The following ALS2CL variants were observed in gnomAD, a reference collection of about 807,000 sequenced individuals.
ALS2CL encodes ALS2 C-terminal-like protein.
A neutral mutation model predicts 127.9 loss-of-function variants in ALS2CL; 112 were observed. That is an observed-to-expected ratio of 0.88 (90% CI 0.75 to 1.02). The LOEUF (loss-of-function observed/expected upper bound fraction) is 1.02. Among genes scored for constraint, ALS2CL ranks in the 50% least tolerant of loss-of-function variants. The pLI is 0.00. For synonymous variants in ALS2CL, 519 were observed against 527.6 expected, an observed-to-expected ratio of 0.98 and a Z score of 0.22; for missense variants, 1,174 against 1,236.7, an observed-to-expected ratio of 0.95 and a Z score of 0.76.
At chr3:46,673,611 G>C (rs1476550154) in intron 21 of ALS2CL, among the ~76,000 whole-genome samples, 1 of 152,180 alleles carries the variant, frequency 6.6e-6, no homozygotes. Flanking sequence ...CCAGGTCGTG[G>C]TGACCAGTAG....
At chr3:46,683,934 T>C (rs1036550257) in intron 8 of ALS2CL, 55 bp downstream of exon 8, 8 of 1,612,908 alleles carry the variant, frequency 5.0e-6, no homozygotes, top group Non-Finnish European at 6.8e-6. Flanking sequence ...TGTGGGCAGG[T>C]GTCATGGGGG....
At position 46,671,925 on chromosome 3, in the gene ALS2CL, G is replaced by A. The variant is rs9845343; in HGVS notation, c.2643C>T (p.Asp881=). ...VLGREYKLPM[D]DLLPLLIYVV... The stretch of plus-strand genomic sequence containing the variant: ...CGTAGATGAGAAGTGGCAGCAGGTC[G>A]TCCATGGGCAGCTTGTACTCCCGGC... The change falls in exon 24 of 26, where the codon GAC becomes GAT. Residue 881 remains aspartate (D), a synonymous_variant. Coordinates refer to ENST00000318962, the MANE Select transcript of ALS2CL (RefSeq NM_147129.5). 7,815 of 1,613,862 alleles carry A rather than the reference G, an allele frequency of 4.8e-3. 338 individuals carry two copies. In the African/African-American group the frequency reaches 0.09, roughly 19 times the overall value.
chr3:46,689,237 G>T, intron 2 of ALS2CL, 101 bp downstream of exon 2: 1 of 1,248,800 alleles, frequency 8.0e-7, no homozygotes, highest in Non-Finnish European at 1.1e-6. Context: ...CCTATTTGAG[G>T]TTGAGAAAGC....
chr3:46,675,890 A>C, intron 19 of ALS2CL: 1 of 1,437,156 alleles, frequency 7.0e-7, no homozygotes, highest in Non-Finnish European at 9.1e-7. Flanking sequence ...GAACTATAGC[A>C]TCTAAGGCTT....
At position 46,680,561 on chromosome 3, in the gene ALS2CL, G is replaced by T. The variant is rs751426249; in HGVS notation, c.1437-20C>A. On this transcript the variant is annotated intron_variant, in intron 13 of 25. Coordinates refer to ENST00000318962, the MANE Select transcript of ALS2CL (RefSeq NM_147129.5). ...TCACCTCTGGAAGGAGAGGAATGTG[G>T]CCAGAGTTGGATCAGACTCATTCCC... The T allele has an allele frequency of 1.9e-6, 3 of 1,605,918 alleles. No individual in the cohort carries two copies. Among genetic ancestry groups the T allele is most frequent in the African/African-American group, 2.7e-5 (2 of 74,854 alleles).
chr3:46,691,317 GA>G (rs1407197277), intron 1 of ALS2CL, among the ~76,000 whole-genome samples: 1 of 152,182 alleles, frequency 6.6e-6, no homozygotes, highest in African/African-American at 2.4e-5. Context: ...TGGGAAGGTA[GA>G]AGAAAGGGTG....
chr3:46,681,380 G>T lies in ALS2CL; in HGVS notation c.1302C>A (p.Gly434=). The change falls in exon 13 of 26, where the codon GGC becomes GGA. Residue 434 remains glycine (G), a synonymous_variant. Transcript: ENST00000318962. This position sits in a 1 kb window ranked among gnomAD's most constrained non-coding sequence, Gnocchi z 4.9. ...CEYSTDEVYK[G]YFQEGLRHGF... is the part of the protein sequence containing the mutation. ...CGTGCCGCAGGCCCTCCTGGAAGTAGCCCTTGTACACCTCGTCGGTGCTGT... is the reference window on the plus strand; with the variant it reads ...CGTGCCGCAGGCCCTCCTGGAAGTATCCCTTGTACACCTCGTCGGTGCTGT... 6.2e-7 allele frequency: 1 copy of T among 1,606,550 alleles called. No individual in the cohort carries two copies. The highest frequency in any genetic ancestry group is 1.7e-5 in the Admixed American group (1 of 59,754).
Position 46,681,527 on chromosome 3 carries a change from C to T in ALS2CL, c.1247G>A (p.Gly416Asp), listed in dbSNP as rs1699344659. Reference sequence around the variant, plus strand: ...ACAGATGCCGTAGCCACACATGCTGCCTTCTCGCCAGTGACACTTGTAACA... The same window carrying T: ...ACAGATGCCGTAGCCACACATGCTGTCTTCTCGCCAGTGACACTTGTAACA... ...FDCYKCHWRE[G>D]SMCGYGICEY... is the part of the protein sequence containing the mutation. Residue 416 changes from glycine (G) to aspartate (D), a missense_variant, in exon 12 of 26, where the codon GGC (glycine) becomes GAC (aspartate). By Grantham distance (94) the Gly-to-Asp change is moderately conservative. Transcript: ENST00000318962. This position sits in a 1 kb window ranked among gnomAD's most constrained non-coding sequence, Gnocchi z 4.9. 1 of 1,614,062 alleles carries T rather than the reference C, an allele frequency of 6.2e-7. No homozygotes were observed. Among genetic ancestry groups the T allele is most frequent in the Non-Finnish European group, 8.5e-7 (1 of 1,180,014 alleles).
In ALS2CL at chr3:46,687,075, C is replaced by A. The variant is rs774931038; in HGVS notation, c.442G>T (p.Ala148Ser). Residue 148 changes from alanine to serine, a missense_variant, in exon 5 of 26, where the codon GCA becomes TCA. Coordinates refer to ENST00000318962, the MANE Select transcript of ALS2CL (RefSeq NM_147129.5). ...SGVSSEGSVGASLGQALHQPL... is the reference protein window; with the variant it reads ...SGVSSEGSVGSSLGQALHQPL... Reference sequence around the variant, plus strand: ...TGGTGGAGGGCCTGGCCCAGCGATGCGCCCACCGAGCCCTCTGAGCTCACA... The same window carrying A: ...TGGTGGAGGGCCTGGCCCAGCGATGAGCCCACCGAGCCCTCTGAGCTCACA... 2 of 1,593,570 alleles carry A rather than the reference C, an allele frequency of 1.3e-6. No individual in the cohort carries two copies. Among genetic ancestry groups the A allele is most frequent in the Non-Finnish European group, 8.5e-7 (1 of 1,176,574 alleles).
intron 19 of ALS2CL, 170 bp from the exon 20 acceptor site, chr3:46,675,856 A>G: frequency 6.9e-7 from 1 of 1,455,028 alleles, no homozygotes; most frequent in Non-Finnish European, 9.0e-7. Flanking sequence ...CCAGGATGTT[A>G]GCCTGAGAAT....
chr3:46,686,095 A>G lies in ALS2CL; in HGVS notation c.666+213T>C, dbSNP rs766091235. ...TGGTTCTGCTGATTGCCTCTTCCCT[A>G]GGCCGGGTCAGGGCCTGGCCCAGGA... On this transcript the variant is annotated intron_variant, in intron 6 of 25. Coordinates refer to ENST00000318962, the MANE Select transcript of ALS2CL (RefSeq NM_147129.5). This position sits in a 1 kb window ranked among gnomAD's most constrained non-coding sequence, Gnocchi z 4.3. Among the ~76,000 whole-genome samples the G allele has an allele frequency of 3.9e-4, 60 of 152,154 alleles. No homozygotes were observed. The highest frequency in any genetic ancestry group is 8.1e-4 in the Non-Finnish European group (55 of 68,024).
chr3:46,671,550 G>A lies in ALS2CL; in HGVS notation c.2719C>T (p.Arg907Cys), dbSNP rs140754417. Reference sequence around the variant, plus strand: ...GTGTGGTTGGGGTCCATCATGTCACGGATCAGGTGGATCTCGGCTCCCAGG... The same window carrying A: ...GTGTGGTTGGGGTCCATCATGTCACAGATCAGGTGGATCTCGGCTCCCAGG... The part of the protein sequence containing the change: ...QHLGAEIHLI[R>C]DMMDPNHTGG... The change falls in exon 25 of 26, where the codon CGT becomes TGT. Residue 907 changes from arginine to cysteine, a missense_variant. By Grantham distance (180) the Arg-to-Cys change is radical. Coordinates refer to ENST00000318962, the MANE Select transcript of ALS2CL (RefSeq NM_147129.5). 5.1e-5 allele frequency: 83 copies of A among 1,614,006 alleles called. No individual in the cohort carries two copies. In the East Asian group the frequency reaches 7.4e-4, roughly 14 times the overall value.
At chr3:46,677,489 C>A in intron 16 of ALS2CL, 1 of 789,246 alleles carries the variant, frequency 1.3e-6, no homozygotes, top group Non-Finnish European at 1.5e-6. Context: ...GTGTCATGCT[C>A]GTAGGCTACA....
intron 7 of ALS2CL, among the ~76,000 whole-genome samples, chr3:46,684,934 T>C (rs1699649369): frequency 6.6e-6 from 1 of 152,152 alleles, no homozygotes; most frequent in Non-Finnish European, 1.5e-5. Context: ...TTCTAAGGGG[T>C]AGAGAAGACT....
At chr3:46,683,396 G>C (rs1348780333) in intron 9 of ALS2CL, 70 bp from the exon 10 acceptor site, 2 of 1,478,958 alleles carry the variant, frequency 1.4e-6, no homozygotes, top group African/African-American at 1.4e-5. Flanking sequence ...AAGCCTTCTG[G>C]GGTAGCTCCA....
intron 1 of ALS2CL, 68 bp downstream of exon 1, chr3:46,693,575 A>C (rs1700298486): frequency 6.6e-6 from 1 of 152,346 alleles, no homozygotes; most frequent in African/African-American, 2.4e-5. Context: ...GGGAGCCCCC[A>C]CCTGGACGAG....
rs1430696619 is a variant in ALS2CL, at chr3:46,671,516, A to G, written c.2753T>C (p.Leu918Pro). Residue 918 changes from leucine (L) to proline (P), a missense_variant, in exon 25 of 26, where the codon CTG becomes CCG. Leu to Pro is a moderately conservative substitution (Grantham distance 98). Transcript: ENST00000318962. ...CAGGGCTGTGAGCAGGAAGTCATAC[A>G]GGCCTCCTGTGTGGTTGGGGTCCAT... ...DMMDPNHTGGLYDFLLTALES... is the reference protein window; with the variant it reads ...DMMDPNHTGGPYDFLLTALES... The G allele has an allele frequency of 5.6e-6, 9 of 1,613,958 alleles. No individual in the cohort carries two copies. Among genetic ancestry groups the G allele is most frequent in the Non-Finnish European group, 7.6e-6 (9 of 1,179,954 alleles).
At chr3:46,684,097 A>C in intron 7 of ALS2CL, 50 bp from the exon 8 acceptor site, 1 of 1,542,348 alleles carries the variant, frequency 6.5e-7, no homozygotes, top group Non-Finnish European at 8.8e-7. Flanking sequence ...CCAGATGCTC[A>C]CCTACCCTCT....
chr3:46,679,595 C>T (rs2106713540), intron 14 of ALS2CL: 1 of 201,220 alleles, frequency 5.0e-6, no homozygotes, highest in Non-Finnish European at 1.0e-5. Context: ...TCTGAAACAT[C>T]CCTGCTTCCC....
Sources: allele counts gnomAD v4.1 joint callset (sites outside exome capture counted in the v4.1 genomes callset), GRCh38; gene constraint gnomAD v4.1.1; non-coding constraint Gnocchi (gnomAD v3.1); transcripts MANE v1.5; gene names NCBI Gene and HGNC (gene_info 2026-07-23, HGNC 2026-07-21).